NF2: variants seen among roughly 807,000 people sequenced by gnomAD.
NF2 encodes the protein NF2, moesin-ezrin-radixin like (MERLIN) tumor suppressor, also known as merlin.
A neutral mutation model predicts 83.7 loss-of-function variants in NF2; 8 were observed. The observed-to-expected ratio is 0.10, with a 90% confidence interval of 0.06 to 0.17. The LOEUF (loss-of-function observed/expected upper bound fraction) is 0.17. Ranked by LOEUF, NF2 falls within the 10% of genes least tolerant of loss-of-function variation. The pLI, the probability that NF2 is intolerant of heterozygous loss-of-function variation, is 1.00. For missense variants in NF2, 533 were observed against 744.4 expected, an observed-to-expected ratio of 0.72 and a Z score of 3.31; for synonymous variants, 266 against 269.6, an observed-to-expected ratio of 0.99 and a Z score of 0.13.
intron 15 of NF2, among the ~76,000 whole-genome samples, chr22:29,692,220 G>A (rs1022348118): frequency 2.6e-5 from 4 of 152,196 alleles, no homozygotes; most frequent in African/African-American, 9.6e-5. Context: ...AGTGCCTTCT[G>A]GAGGACTGTG....
intron 1 of NF2, among the ~76,000 whole-genome samples, chr22:29,617,367 T>C (rs1210362869): frequency 1.3e-5 from 2 of 152,244 alleles, no homozygotes; most frequent in African/African-American, 2.4e-5. Flanking sequence ...CCTGGCACTA[T>C]TGACATTTTG....
rs577358912 is a variant in NF2, at chr22:29,636,721, G to A, written c.115-30G>A. The A allele has an allele frequency of 6.8e-6, 11 of 1,614,120 alleles. No homozygotes were observed. Among genetic ancestry groups the A allele is most frequent in the Middle Eastern group, 1.7e-4 (1 of 6,040 alleles). Reference sequence around the variant, plus strand: ...GTTTTATTAATGATTTTTGCTCACAGTGTCCTTCCCCATTGGTTTGTTATT... The same window carrying A: ...GTTTTATTAATGATTTTTGCTCACAATGTCCTTCCCCATTGGTTTGTTATT... On this transcript the variant is annotated intron_variant, in intron 1 of 15. Coordinates refer to ENST00000338641, the MANE Select transcript of NF2 (RefSeq NM_000268.4). The surrounding 1 kb of genome is among the most constrained non-coding windows in gnomAD (Gnocchi z 4.4).
chr22:29,609,231 C>T, intron 1 of NF2: 1 of 730,010 alleles, frequency 1.4e-6, no homozygotes, highest in Non-Finnish European at 2.6e-6. Context: ...CTAGGTATGA[C>T]CTTGGTTATG....
In NF2 at chr22:29,694,980, C is replaced by T. The variant is rs1483729028; in HGVS notation, c.*178C>T. Reference sequence around the variant, plus strand: ...TCTTATGTGCAATTGCCTTGAACTACGACCCTGTAGAGATTTCTCTCATGG... The same window carrying T: ...TCTTATGTGCAATTGCCTTGAACTATGACCCTGTAGAGATTTCTCTCATGG... On this transcript the variant is annotated 3_prime_UTR_variant, in exon 16 of 16. Coordinates refer to ENST00000338641, the MANE Select transcript of NF2 (RefSeq NM_000268.4). The surrounding 1 kb of genome is among the most constrained non-coding windows in gnomAD (Gnocchi z 4.1). 4.4e-6 allele frequency: 3 copies of T among 687,666 alleles called. No homozygotes were observed. The highest frequency in any genetic ancestry group is 1.6e-5 in the South Asian group (1 of 63,884). The allele number at this position is 687,666 out of a possible 1,614,324, so 42.6% of individuals were successfully genotyped here. A position where few individuals can be genotyped will look rare whatever the true frequency, so the allele number is the denominator to read the frequency against.
At position 29,636,228 on chromosome 22, in the gene NF2, TC is replaced by T. The variant is rs1387943629; in HGVS notation, c.115-522del. Among the ~76,000 whole-genome samples the T allele has an allele frequency of 2.0e-5, 3 of 152,210 alleles. No homozygotes were observed. The highest frequency in any genetic ancestry group is 2.9e-5 in the Non-Finnish European group (2 of 68,034). The stretch of plus-strand genomic sequence containing the variant: ...ACCTGTGATTGGACTGTCTGGTCTC[TC>T]ATGGTTCTTTTTCTCCATGATTTAT... On this transcript the variant is annotated intron_variant, in intron 1 of 15. Transcript: ENST00000338641. The surrounding 1 kb of genome is among the most constrained non-coding windows in gnomAD (Gnocchi z 4.4).
chr22:29,691,058 C>T (rs1302685338), intron 15 of NF2, among the ~76,000 whole-genome samples: 1 of 152,230 alleles, frequency 6.6e-6, no homozygotes, highest in Non-Finnish European at 1.5e-5. Context: ...CTGGTGCAGC[C>T]ACTGTCCTCG....
intron 10 of NF2, 63 bp from the exon 11 acceptor site, chr22:29,671,763 C>T (rs2066795487): frequency 1.2e-5 from 19 of 1,610,778 alleles, no homozygotes; most frequent in Non-Finnish European, 1.4e-5. Flanking sequence ...ATCTTTGGGC[C>T]CTTGTGGCAC....
intron 4 of NF2, among the ~76,000 whole-genome samples, chr22:29,650,792 G>A (rs1298935337): frequency 6.6e-6 from 1 of 152,078 alleles, no homozygotes; most frequent in Non-Finnish European, 1.5e-5. Context: ...TAGTACAGAT[G>A]AGGTTTCACC....
At chr22:29,687,805 G>T (rs2067304510) in intron 15 of NF2, among the ~76,000 whole-genome samples, 1 of 152,206 alleles carries the variant, frequency 6.6e-6, no homozygotes, top group African/African-American at 2.4e-5. Context: ...GTGGGGAGTG[G>T]GGTGGGGAGC....
intron 2 of NF2, among the ~76,000 whole-genome samples, chr22:29,637,495 G>A (rs945406824): frequency 1.8e-4 from 27 of 152,108 alleles, no homozygotes; most frequent in Non-Finnish European, 2.5e-4. Context: ...GGGTTCATAT[G>A]TTCACACAAG....
At chr22:29,641,028 G>T (rs911853312) in intron 3 of NF2, among the ~76,000 whole-genome samples, 7 of 152,222 alleles carry the variant, frequency 4.6e-5, no homozygotes, top group Non-Finnish European at 8.8e-5. Flanking sequence ...AGCTACTTGG[G>T]AGACTGAGGC....
rs61053180 is a variant in NF2, at chr22:29,687,464, G to A, written c.1737+5863G>A. Among the ~76,000 whole-genome samples, 352 of 152,240 alleles carry A rather than the reference G, an allele frequency of 2.3e-3. 1 individual carries two copies. The highest frequency in any genetic ancestry group is 8.1e-3 in the African/African-American group (336 of 41,528). On this transcript the variant is annotated intron_variant, in intron 15 of 15. Coordinates refer to ENST00000338641, the MANE Select transcript of NF2 (RefSeq NM_000268.4). ...AAGTAGAACAGTTAAAAAAACACCC[G>A]GGGAAGTGATAAATCACAGAGAGAG...
chr22:29,658,285 G>A, intron 7 of NF2, 21 bp downstream of exon 7: 1 of 1,609,184 alleles, frequency 6.2e-7, no homozygotes, highest in Non-Finnish European at 8.5e-7. Context: ...ACCTCTCTGA[G>A]CTCCTTGTGT....
At chr22:29,640,148 T>C (rs973055487) in intron 3 of NF2, among the ~76,000 whole-genome samples, 2 of 140,164 alleles carry the variant, frequency 1.4e-5, no homozygotes, top group African/African-American at 2.7e-5. Context: ...TGAGCCAAAA[T>C]TGAGTCACTT....
chr22:29,691,220 T>C (rs2067395839), intron 15 of NF2, among the ~76,000 whole-genome samples: 1 of 151,964 alleles, frequency 6.6e-6, no homozygotes, highest in African/African-American at 2.4e-5. Flanking sequence ...GCAGGCAAGG[T>C]TGGGCAAGGG....
intron 1 of NF2, among the ~76,000 whole-genome samples, chr22:29,604,596 T>C (rs982066378): frequency 6.6e-6 from 1 of 152,246 alleles, no homozygotes; most frequent in Non-Finnish European, 1.5e-5. Flanking sequence ...ATAACAGCTA[T>C]CAATTGTTCA....
At chr22:29,622,605 C>T (rs990286345) in intron 1 of NF2, among the ~76,000 whole-genome samples, 3 of 150,588 alleles carry the variant, frequency 2.0e-5, no homozygotes, top group Non-Finnish European at 3.0e-5. Flanking sequence ...TTTTACAATC[C>T]GCTTCCCTCT....
At chr22:29,640,150 G>T (rs566883064) in intron 3 of NF2, among the ~76,000 whole-genome samples, 126 of 135,194 alleles carry the variant, frequency 9.3e-4, no homozygotes, top group African/African-American at 3.4e-3. Context: ...AGCCAAAATT[G>T]AGTCACTTCA....
At chr22:29,616,723 C>T (rs999352500) in intron 1 of NF2, among the ~76,000 whole-genome samples, 28 of 129,582 alleles carry the variant, frequency 2.2e-4, no homozygotes, top group Admixed American at 8.3e-4. Context: ...GCCTGGGCAA[C>T]AAGAGTGAAA....
Sources: allele counts gnomAD v4.1 joint callset (sites outside exome capture counted in the v4.1 genomes callset), GRCh38; gene constraint gnomAD v4.1.1; non-coding constraint Gnocchi (gnomAD v3.1); transcripts MANE v1.5; gene names NCBI Gene and HGNC (gene_info 2026-07-23, HGNC 2026-07-21).